MYPN: variants seen among roughly 807,000 people sequenced by gnomAD.
The protein encoded by MYPN is sarcomeric protein myopalladin, 145 kDa (MYOP).
In MYPN, 63 loss-of-function variants were observed where a neutral mutation model predicts 129.4. The ratio of observed to expected loss-of-function variants is 0.49; its 90% CI spans 0.40 to 0.60. MYPN has a LOEUF of 0.60. MYPN is among the 20% of genes least tolerant of loss of function. MYPN has a pLI of 0.00. For synonymous variants in MYPN, 629 were observed against 600.9 expected, an observed-to-expected ratio of 1.05 and a Z score of -0.68; for missense variants, 1,596 against 1,635.4, an observed-to-expected ratio of 0.98 and a Z score of 0.42.
intron 10 of MYPN, among the ~76,000 whole-genome samples, chr10:68,167,905 C>T (rs1360258132): frequency 6.6e-6 from 1 of 152,190 alleles, no homozygotes; most frequent in Non-Finnish European, 1.5e-5. Context: ...GTAAACCAAA[C>T]ACAACCAAAT....
chr10:68,183,809 A>G (rs1282674679), intron 12 of MYPN, among the ~76,000 whole-genome samples: 4 of 151,972 alleles, frequency 2.6e-5, no homozygotes, highest in Non-Finnish European at 4.4e-5. Context: ...GGATTGCTTG[A>G]GCCCAGTTCA....
chr10:68,160,983 A>G (rs536064135), intron 7 of MYPN, among the ~76,000 whole-genome samples: 4 of 152,370 alleles, frequency 2.6e-5, no homozygotes, highest in African/African-American at 7.2e-5. Flanking sequence ...TAGAAACCTC[A>G]GAGCAGGAGG....
chr10:68,148,973 C>G (rs890088170), intron 5 of MYPN, among the ~76,000 whole-genome samples: 8 of 152,186 alleles, frequency 5.3e-5, no homozygotes, highest in African/African-American at 1.9e-4. Context: ...CACCTGTGAT[C>G]TCAGCACTTT....
chr10:68,098,676 T>C (rs2041968353), intron 1 of MYPN, among the ~76,000 whole-genome samples: 1 of 152,014 alleles, frequency 6.6e-6, no homozygotes, highest in Admixed American at 6.6e-5. Context: ...AAACCTCGTC[T>C]CTTTAAAAAT....
chr10:68,093,992 G>A (rs562929793), intron 1 of MYPN, among the ~76,000 whole-genome samples: 8 of 152,222 alleles, frequency 5.3e-5, no homozygotes, highest in Admixed American at 1.3e-4. Flanking sequence ...AAACTGTCAC[G>A]GTGGTGGTGA....
chr10:68,117,408 T>C (rs993938176), intron 1 of MYPN, among the ~76,000 whole-genome samples: 2 of 152,086 alleles, frequency 1.3e-5, no homozygotes, highest in Non-Finnish European at 2.9e-5. Flanking sequence ...TGATAAGTAC[T>C]GTGTTTGGAG....
chr10:68,095,316 C>T (rs1303801478), intron 1 of MYPN, among the ~76,000 whole-genome samples: 1 of 149,946 alleles, frequency 6.7e-6, no homozygotes, highest in African/African-American at 2.5e-5. Flanking sequence ...CTCTATTACA[C>T]TCCAGCTTGG....
At chr10:68,161,918 T>C (rs2042982799) in intron 8 of MYPN, 166 bp downstream of exon 8, 2 of 543,346 alleles carry the variant, frequency 3.7e-6, no homozygotes, top group African/African-American at 3.9e-5. Flanking sequence ...ATTCCAGCAC[T>C]TTGCGAGGCC....
intron 1 of MYPN, among the ~76,000 whole-genome samples, chr10:68,094,232 G>A (rs2041944735): frequency 6.6e-6 from 1 of 151,774 alleles, no homozygotes; most frequent in African/African-American, 2.4e-5. Context: ...TGGGAATGCA[G>A]CCCAGCAGGT....
At chr10:68,145,264 T>C (rs558027388) in intron 3 of MYPN, among the ~76,000 whole-genome samples, 1 of 152,178 alleles carries the variant, frequency 6.6e-6, no homozygotes, top group African/African-American at 2.4e-5. Context: ...CCTCAGGTGA[T>C]CCACCCCCCT....
In MYPN at chr10:68,121,684, C is replaced by T. The variant is rs1459641242; in HGVS notation, c.246C>T (p.Ala82=). The T allele has an allele frequency of 1.4e-5, 23 of 1,614,180 alleles. No individual in the cohort carries two copies. The highest frequency in any genetic ancestry group is 1.9e-5 in the Non-Finnish European group (22 of 1,180,042). ...AAAGTGTCAATTTGGCAAGACTGGC[C>T]ATCAATTACGACCCTTTGGAGAAGG... ...LDESVNLARL[A]INYDPLEKAD... Residue 82 remains alanine, a synonymous_variant, in exon 2 of 20, where the codon GCC becomes GCT. Coordinates refer to ENST00000358913, the MANE Select transcript of MYPN (RefSeq NM_032578.4).
chr10:68,183,752 A>G (rs1327186052), intron 12 of MYPN, among the ~76,000 whole-genome samples: 1 of 152,148 alleles, frequency 6.6e-6, no homozygotes, highest in Non-Finnish European at 1.5e-5. Context: ...GGCCAGGTAC[A>G]GTGGCTTAGG....
At chr10:68,210,255 A>C (rs1201739882) in intron 19 of MYPN, 31 bp from the exon 20 acceptor site, 2 of 1,612,054 alleles carry the variant, frequency 1.2e-6, no homozygotes, top group South Asian at 2.2e-5. Flanking sequence ...CATTCCTTTG[A>C]TCATAACACA....
At chr10:68,125,608 A>C (rs2042314667) in intron 2 of MYPN, among the ~76,000 whole-genome samples, 1 of 152,234 alleles carries the variant, frequency 6.6e-6, no homozygotes, top group Admixed American at 6.5e-5. Context: ...GGAGCTTGCA[A>C]TACAGTTAAA....
At chr10:68,151,550 A>C (rs2042771050) in intron 6 of MYPN, among the ~76,000 whole-genome samples, 2 of 152,122 alleles carry the variant, frequency 1.3e-5, no homozygotes, top group African/African-American at 4.8e-5. Context: ...GCTACTTCTT[A>C]TTGTCTCTTA....
At chr10:68,120,208 T>TGA (rs145601750) in intron 1 of MYPN, among the ~76,000 whole-genome samples, 1 of 152,068 alleles carries the variant, frequency 6.6e-6, no homozygotes, top group African/African-American at 2.4e-5. Context: ...CTTTTAAGGA[T>TGA]GAGAGAGAGT....
At position 68,174,398 on chromosome 10, in the gene MYPN, C is replaced by G. The variant is rs1243762382; in HGVS notation, c.2306C>G (p.Ser769Cys). ...GAAAGCCTCTTAGTGTCTCACCCCT[C>G]TGTGCAAACCAAATCTCCAGGAGGG... Reference protein sequence around the residue: ...SKESLLVSHPSVQTKSPGGLS... With the variant: ...SKESLLVSHPCVQTKSPGGLS... The change falls in exon 11 of 20, where the codon TCT becomes TGT. Residue 769 changes from serine to cysteine, a missense_variant. Physicochemically the swap from Ser to Cys is moderately radical, Grantham distance 112 (BLOSUM62 -1). Transcript: ENST00000358913. 6.2e-7 allele frequency: 1 copy of G among 1,614,168 alleles called. No homozygotes were observed. The highest frequency in any genetic ancestry group is 1.3e-5 in the African/African-American group (1 of 75,038).
chr10:68,176,498 C>T (rs1299835718), intron 12 of MYPN, among the ~76,000 whole-genome samples: 6 of 152,162 alleles, frequency 3.9e-5, no homozygotes. Context: ...AGACCATATG[C>T]TGTTTTCCTT....
At chr10:68,113,718 T>C (rs2042113128) in intron 1 of MYPN, among the ~76,000 whole-genome samples, 1 of 151,890 alleles carries the variant, frequency 6.6e-6, no homozygotes, top group Admixed American at 6.6e-5. Context: ...AAAGACACAT[T>C]TAAAAAAATA....
Sources: allele counts gnomAD v4.1 joint callset (sites outside exome capture counted in the v4.1 genomes callset), GRCh38; gene constraint gnomAD v4.1.1; transcripts MANE v1.5; gene names NCBI Gene and HGNC (gene_info 2026-07-23, HGNC 2026-07-21).